The following UBE2D4 variants were observed in gnomAD, a reference collection of about 807,000 sequenced individuals.
The protein encoded by UBE2D4 is ubiquitin-conjugating enzyme E2 D4.
A neutral mutation model predicts 23.0 loss-of-function variants in UBE2D4; 17 were observed. The ratio of observed to expected loss-of-function variants is 0.74; its 90% CI spans 0.51 to 1.11. UBE2D4 has a LOEUF of 1.11. Among genes scored for constraint, UBE2D4 ranks in the 50% least tolerant of loss-of-function variants. UBE2D4 has a pLI of 0.00. For missense variants in UBE2D4, 139 were observed against 181.8 expected (o/e 0.76, Z 1.35); for synonymous variants, 61 against 69.4 (o/e 0.88, Z 0.60).
At chr7:43,933,812 G>T (rs762733584) in intron 1 of UBE2D4, among the ~76,000 whole-genome samples, 4 of 152,098 alleles carry the variant, frequency 2.6e-5, no homozygotes, top group Non-Finnish European at 4.4e-5. Context: ...ACTTCAAGAT[G>T]AATATTTTTT....
rs1053203913 is a variant in UBE2D4, at chr7:43,955,369, A to G, written c.*2674A>G. 2 of 152,212 alleles carry G rather than the reference A, an allele frequency of 1.3e-5. No individual in the cohort carries two copies. Among genetic ancestry groups the G allele is most frequent in the African/African-American group, 4.8e-5 (2 of 41,454 alleles). The allele number at this position is 152,212 out of a possible 1,614,324, so 9.4% of individuals were successfully genotyped here. ...ATTGATCCATGATGAAAAAATGACCATTAGCTCTCCCCCAGAAGCGTCTGT... is the reference window on the plus strand; with the variant it reads ...ATTGATCCATGATGAAAAAATGACCGTTAGCTCTCCCCCAGAAGCGTCTGT... On this transcript the variant is annotated 3_prime_UTR_variant, in exon 7 of 7. Coordinates refer to ENST00000222402, the MANE Select transcript of UBE2D4 (RefSeq NM_015983.4).
Position 43,926,467 on chromosome 7 carries a change from G to A in UBE2D4, c.-66G>A. 9 of 1,395,674 alleles carry A rather than the reference G, an allele frequency of 6.4e-6. No homozygotes were observed. Among genetic ancestry groups the A allele is most frequent in the South Asian group, 1.5e-5 (1 of 67,428 alleles). The allele number at this position is 1,395,674 out of a possible 1,614,324, so 86.5% of individuals were successfully genotyped here. On this transcript the variant is annotated 5_prime_UTR_variant, in exon 1 of 7. Coordinates refer to ENST00000222402, the MANE Select transcript of UBE2D4 (RefSeq NM_015983.4). ...CCCGGCGTGCAGCTTGGTGGCGGCT[G>A]AGCCGGCAGCGGGCCGCCTCAGGCA... is the stretch of plus-strand genomic sequence containing the variant.
At chr7:43,933,173 T>C (rs926538834) in intron 1 of UBE2D4, among the ~76,000 whole-genome samples, 7 of 151,202 alleles carry the variant, frequency 4.6e-5, no homozygotes, top group African/African-American at 1.7e-4. Flanking sequence ...TATATATATA[T>C]ATTCTACCTA....
intron 1 of UBE2D4, among the ~76,000 whole-genome samples, chr7:43,928,668 G>C (rs1220531098): frequency 2.0e-5 from 3 of 152,180 alleles, no homozygotes; most frequent in African/African-American, 7.2e-5. Context: ...TGCTAGGCCA[G>C]AGCAGTGCCT....
rs1454594272 is a variant in UBE2D4, at chr7:43,954,249, A to C, written c.*1554A>C. 1.6e-5 allele frequency: 2 copies of C among 126,184 alleles called. No individual in the cohort carries two copies. The highest frequency in any genetic ancestry group is 3.3e-5 in the Non-Finnish European group (2 of 61,534). The allele number at this position is 126,184 out of a possible 1,614,324, so 7.8% of individuals were successfully genotyped here. A position where few individuals can be genotyped will look rare whatever the true frequency, so the allele number is the denominator to read the frequency against. On this transcript the variant is annotated 3_prime_UTR_variant, in exon 7 of 7. Transcript: ENST00000222402. ...GGTGTGGCTGCATCTCACCATGTTG[A>C]GGATTGCCTTTTTTTTTTTTTTTTT...
intron 1 of UBE2D4, among the ~76,000 whole-genome samples, chr7:43,933,470 G>A (rs77359091): frequency 6.6e-6 from 1 of 152,292 alleles, no homozygotes; most frequent in African/African-American, 2.4e-5. Context: ...GCTGGGCGTG[G>A]TGGCTCAGGC....
rs372551284 is a variant in UBE2D4 at position 43,942,873 on chromosome 7, T to G, written c.120+16T>G. On this transcript the variant is annotated intron_variant, in intron 3 of 6. Coordinates refer to ENST00000222402, the MANE Select transcript of UBE2D4 (RefSeq NM_015983.4). Reference sequence around the variant, plus strand: ...CATGGGCCCGGTAGGTAGTAGCTGCTGAGCGCACCACTCCAGTTTTGCTTC... The same window carrying G: ...CATGGGCCCGGTAGGTAGTAGCTGCGGAGCGCACCACTCCAGTTTTGCTTC... 3.3e-5 allele frequency: 54 copies of G among 1,614,072 alleles called. No individual in the cohort carries two copies. The highest frequency in any genetic ancestry group is 8.5e-6 in the Non-Finnish European group (10 of 1,180,042).
At chr7:43,938,238 G>GA (rs1453838374) in intron 1 of UBE2D4, among the ~76,000 whole-genome samples, 193 bp from the exon 2 acceptor site, 1 of 152,110 alleles carries the variant, frequency 6.6e-6, no homozygotes, top group African/African-American at 2.4e-5. Context: ...GTATAAAATG[G>GA]AAATGATCAT....
At chr7:43,927,926 A>G (rs2095936399) in intron 1 of UBE2D4, 1 of 408,602 alleles carries the variant, frequency 2.4e-6, no homozygotes, top group African/African-American at 2.1e-5. Flanking sequence ...CGAACTGTGT[A>G]TTAGTCTGTT....
At chr7:43,947,422 T>TGGCCCAGTGTTCCAA in intron 4 of UBE2D4, among the ~76,000 whole-genome samples, 1 of 152,240 alleles carries the variant, frequency 6.6e-6, no homozygotes, top group African/African-American at 2.4e-5. Context: ...TGAGCCACCA[T>TGGCCCAGTGTTCCAA]GCCTGGCCCA....
At chr7:43,952,585 C>A in intron 6 of UBE2D4, 65 bp from the exon 7 acceptor site, 2 of 1,401,646 alleles carry the variant, frequency 1.4e-6, no homozygotes, top group Non-Finnish European at 2.0e-6. Flanking sequence ...CTGTTCTCTG[C>A]AGCACATTGA....
chr7:43,938,552 T>C (rs1322736328), intron 2 of UBE2D4, 58 bp downstream of exon 2: 58 of 1,561,776 alleles, frequency 3.7e-5, no homozygotes, highest in Non-Finnish European at 3.9e-5. Context: ...CCCCCCAACT[T>C]AGGCCAGGTG....
At chr7:43,936,571 C>T (rs977802048) in intron 1 of UBE2D4, among the ~76,000 whole-genome samples, 12 of 152,050 alleles carry the variant, frequency 7.9e-5, no homozygotes, top group Admixed American at 4.6e-4. Flanking sequence ...AGTCTCCCAC[C>T]CAAGACTGTC....
At chr7:43,952,028 T>C (rs1160337485) in intron 6 of UBE2D4, 1 of 152,208 alleles carries the variant, frequency 6.6e-6, no homozygotes, top group African/African-American at 2.4e-5. Context: ...TATAGTCTCA[T>C]AGCATCAAGT....
chr7:43,942,760 G>A (rs375394385), intron 2 of UBE2D4, 66 bp from the exon 3 acceptor site: 178 of 1,607,436 alleles, frequency 1.1e-4, no homozygotes, highest in South Asian at 2.0e-4. Context: ...TTAGCAGTGC[G>A]TTTTCAGTAG....
chr7:43,932,044 A>G (rs1211187550), intron 1 of UBE2D4, among the ~76,000 whole-genome samples: 1 of 149,630 alleles, frequency 6.7e-6, no homozygotes, highest in African/African-American at 2.5e-5. Flanking sequence ...GCTGGAGTGC[A>G]GTGGCACGAT....
intron 1 of UBE2D4, among the ~76,000 whole-genome samples, chr7:43,931,914 C>T (rs1184056709): frequency 6.6e-6 from 1 of 152,016 alleles, no homozygotes; most frequent in East Asian, 1.9e-4. Context: ...TCTTGAACTC[C>T]TGAGCTCAAG....
chr7:43,949,701 GCAC>G (rs930641554), intron 5 of UBE2D4, among the ~76,000 whole-genome samples: 2 of 152,186 alleles, frequency 1.3e-5, no homozygotes, highest in Non-Finnish European at 2.9e-5. Flanking sequence ...AAGAATCCAG[GCAC>G]CACAATTCCT....
intron 4 of UBE2D4, among the ~76,000 whole-genome samples, chr7:43,947,910 T>C (rs780164028): frequency 5.9e-5 from 9 of 152,264 alleles, no homozygotes; most frequent in African/African-American, 2.2e-4. Context: ...TAGTATCTCA[T>C]TGTGGTTTTG....
Sources: allele counts gnomAD v4.1 joint callset (sites outside exome capture counted in the v4.1 genomes callset), GRCh38; gene constraint gnomAD v4.1.1; transcripts MANE v1.5; gene names NCBI Gene and HGNC (gene_info 2026-07-23, HGNC 2026-07-21).